The following PLEKHG5 variants were observed in gnomAD, a reference collection of about 807,000 sequenced individuals.
PLEKHG5 encodes the protein pleckstrin homology and RhoGEF domain containing G5.
Under a neutral mutation model 103.8 loss-of-function variants are expected in PLEKHG5, and 52 were observed. That is an observed-to-expected ratio of 0.50 (90% CI 0.40 to 0.63). The LOEUF (loss-of-function observed/expected upper bound fraction) is 0.63. Among genes scored for constraint, PLEKHG5 ranks in the 30% least tolerant of loss-of-function variants. The probability of loss-of-function intolerance (pLI) is 0.00; values close to 1 mark genes in which losing one functional copy is unlikely to be tolerated. For missense variants in PLEKHG5, 1,205 were observed against 1,347.6 expected (o/e 0.89, Z 1.66); for synonymous variants, 592 against 575.5 (o/e 1.03, Z -0.41).
At chr1:6,485,359 A>G (rs1569938424) in intron 1 of PLEKHG5, 2 of 1,420,758 alleles carry the variant, frequency 1.4e-6, no homozygotes, top group East Asian at 6.1e-5. Context: ...CCCCCGGCCC[A>G]GGAGGGCTCC....
chr1:6,496,645 A>G, upstream of PLEKHG5: 2 of 1,101,322 alleles, frequency 1.8e-6, no homozygotes, highest in Non-Finnish European at 2.5e-6. Flanking sequence ...TCCCAACCGG[A>G]GGAGGGGTGG....
chr1:6,467,696 G>C, intron 20 of PLEKHG5, 124 bp from the exon 21 acceptor site: 1 of 1,457,306 alleles, frequency 6.9e-7, no homozygotes, highest in Non-Finnish European at 9.6e-7. Context: ...AGCCCCCTGC[G>C]CCCAGACACT....
rs3007422 is a variant in PLEKHG5 at position 6,476,841 on chromosome 1, A to G, written c.43+688T>C. Among the ~76,000 whole-genome samples the G allele has an allele frequency of 5.0e-3, 758 of 152,196 alleles. 4 individuals are homozygous for G. The highest frequency in any genetic ancestry group is 0.017 in the African/African-American group (693 of 41,526). On this transcript the variant is annotated intron_variant, in intron 2 of 20. Transcript: ENST00000377728. ...ACGATCAGGGCTCACTGGAGCCTCC[A>G]TTGTCGGGGTTCAAGCGATCCTTCC...
rs555336398 is a variant in PLEKHG5 at position 6,508,295 on chromosome 1, C to T, written c.-165+11150G>A. ...CGGGCTCCACCCTCCATCCTGACCACACGGAGCATCATCTTCTGTGTTCCC... is the reference window on the plus strand; with the variant it reads ...CGGGCTCCACCCTCCATCCTGACCATACGGAGCATCATCTTCTGTGTTCCC... On this transcript the variant is annotated intron_variant, in intron 1 of 21. Coordinates refer to the PLEKHG5 transcript ENST00000377740. 1.1e-3 allele frequency among the ~76,000 whole-genome samples: 175 copies of T among 152,350 alleles called. 2 individuals are homozygous for T. The highest frequency in any genetic ancestry group is 4.1e-3 in the African/African-American group (171 of 41,574).
At chr1:6,502,939 G>A (rs1488070729) in intron 1 of PLEKHG5, among the ~76,000 whole-genome samples, 1 of 152,238 alleles carries the variant, frequency 6.6e-6, no homozygotes, top group African/African-American at 2.4e-5. Flanking sequence ...GAGAGCTGGG[G>A]CAGGCACACA....
chr1:6,467,292 C>T lies in PLEKHG5; in HGVS notation c.*271G>A, dbSNP rs540203808. 7.9e-5 allele frequency: 47 copies of T among 592,266 alleles called. No homozygotes were observed. The highest frequency in any genetic ancestry group is 5.5e-4 in the Admixed American group (21 of 38,004). 36.7% of individuals were successfully genotyped at this position (592,266 alleles called of 1,614,324 possible). On this transcript the variant is annotated 3_prime_UTR_variant, in exon 21 of 21. Transcript: ENST00000377728. ...AGAAGTAGGATGGGCAGCCTAGGAG[C>T]CCAGCCCTGAAGACTCGAGCTGAGC...
intron 1 of PLEKHG5, among the ~76,000 whole-genome samples, chr1:6,480,552 A>G (rs981401399): frequency 6.6e-6 from 1 of 151,418 alleles, no homozygotes. Context: ...TTAGCCAGGC[A>G]TGGTGATGTG....
upstream of PLEKHG5, chr1:6,496,939 C>G: frequency 6.6e-7 from 1 of 1,511,856 alleles, no homozygotes; most frequent in Non-Finnish European, 8.8e-7. Context: ...TCCAAGATCC[C>G]AGATCCCTGA....
In PLEKHG5 at chr1:6,490,542, G is replaced by T; in HGVS notation, c.-88+1095C>A. On this transcript the variant is annotated intron_variant, in intron 1 of 20. Coordinates refer to ENST00000377728, the MANE Select transcript of PLEKHG5 (RefSeq NM_020631.6). The surrounding 1 kb of genome is among the most constrained non-coding windows in gnomAD (Gnocchi z 8.0). ...ATGGGGCGCGCGGGGAGAGGGGGACGGGAGCCGCGGGACGGGCTCAGTCGA... is the reference window on the plus strand; with the variant it reads ...ATGGGGCGCGCGGGGAGAGGGGGACTGGAGCCGCGGGACGGGCTCAGTCGA... The T allele has an allele frequency of 2.0e-6, 2 of 985,324 alleles. No individual in the cohort carries two copies. The highest frequency in any genetic ancestry group is 2.4e-6 in the Non-Finnish European group (2 of 829,874). The allele number at this position is 985,324 out of a possible 1,614,324, so 61.0% of individuals were successfully genotyped here.
At position 6,486,272 on chromosome 1, in the gene PLEKHG5, G is replaced by A. The variant is rs1225178402; in HGVS notation, c.-88+5365C>T. Among the ~76,000 whole-genome samples, 3 of 152,020 alleles carry A rather than the reference G, an allele frequency of 2.0e-5. No homozygotes were observed. The highest frequency in any genetic ancestry group is 2.9e-5 in the Non-Finnish European group (2 of 67,986). On this transcript the variant is annotated intron_variant, in intron 1 of 20. Transcript: ENST00000377728. The surrounding 1 kb of genome is among the most constrained non-coding windows in gnomAD (Gnocchi z 5.3). ...ACACTCCCCTCAGGGTCCTTGGTCC[G>A]GCTCTCCATCTAGCCCCAGGGACAC...
chr1:6,505,471 C>T lies in PLEKHG5; in HGVS notation c.-164-8902G>A, dbSNP rs529741477. On this transcript the variant is annotated intron_variant, in intron 1 of 21. Coordinates refer to the PLEKHG5 transcript ENST00000377740. This position sits in a 1 kb window ranked among gnomAD's most constrained non-coding sequence, Gnocchi z 4.2. ...GCATCATTATTCCCATTCACAGCTC[C>T]CCAACCTCTCACCCCCAGGAGCAGT... 2.6e-5 allele frequency among the ~76,000 whole-genome samples: 4 copies of T among 152,214 alleles called. No individual in the cohort carries two copies. Among genetic ancestry groups the T allele is most frequent in the Non-Finnish European group, 4.4e-5 (3 of 68,000 alleles).
intron 1 of PLEKHG5, among the ~76,000 whole-genome samples, chr1:6,517,137 C>G (rs1638648798): frequency 6.8e-6 from 1 of 146,262 alleles, no homozygotes; most frequent in Admixed American, 6.7e-5. Flanking sequence ...GAGACCCCAT[C>G]TCTACTAAAA....
chr1:6,471,439 G>T (rs766684095), intron 12 of PLEKHG5, 49 bp downstream of exon 12: 6 of 1,575,570 alleles, frequency 3.8e-6, no homozygotes, highest in Non-Finnish European at 5.2e-6. Context: ...GCTTTTCGGC[G>T]CCCCAGCCCT....
At chr1:6,514,893 C>T (rs1638573321) in intron 1 of PLEKHG5, among the ~76,000 whole-genome samples, 1 of 150,936 alleles carries the variant, frequency 6.6e-6, no homozygotes, top group Non-Finnish European at 1.5e-5. Context: ...CATAGTGAAA[C>T]CCCAACTCTA....
upstream of PLEKHG5, among the ~76,000 whole-genome samples, chr1:6,501,108 G>T (rs1391981156): frequency 6.6e-6 from 1 of 152,102 alleles, no homozygotes; most frequent in Non-Finnish European, 1.5e-5. The surrounding 1 kb of genome is among the most constrained non-coding windows in gnomAD (Gnocchi z 4.3). Context: ...CAAACCAGAG[G>T]AGCCCGGCAG....
At chr1:6,493,756 A>G (rs1375234812), upstream of PLEKHG5, among the ~76,000 whole-genome samples, 1 of 151,480 alleles carries the variant, frequency 6.6e-6, no homozygotes, top group African/African-American at 2.4e-5. Context: ...CCAGGGTCCA[A>G]GCGATTCTTC....
chr1:6,497,032 C>A (rs1420435097), upstream of PLEKHG5: 21 of 1,516,384 alleles, frequency 1.4e-5, no homozygotes, highest in East Asian at 1.5e-4. The surrounding 1 kb of genome is among the most constrained non-coding windows in gnomAD (Gnocchi z 6.1). Context: ...CAAGACTCAT[C>A]TTTGACCCTG....
At chr1:6,495,864 G>T (rs758622678), upstream of PLEKHG5, among the ~76,000 whole-genome samples, 30 of 152,212 alleles carry the variant, frequency 2.0e-4, no homozygotes, top group Non-Finnish European at 4.4e-4. Flanking sequence ...AGTGCATATG[G>T]CACAGAAAGC....
upstream of PLEKHG5, chr1:6,496,899 G>A (rs1278545536): frequency 2.8e-5 from 39 of 1,395,038 alleles, no homozygotes; most frequent in East Asian, 1.6e-4. Context: ...TTCCCAGGGG[G>A]TCCCGGCAGG....
Sources: allele counts gnomAD v4.1 joint callset (sites outside exome capture counted in the v4.1 genomes callset), GRCh38; gene constraint gnomAD v4.1.1; non-coding constraint Gnocchi (gnomAD v3.1); transcripts MANE v1.5; gene names NCBI Gene and HGNC (gene_info 2026-07-23, HGNC 2026-07-21).